SIMC1: variants seen among roughly 807,000 people sequenced by gnomAD.
SIMC1 encodes the protein SUMO-interacting motif-containing protein 1.
In SIMC1, 55 loss-of-function variants were observed where a neutral mutation model predicts 82.3. The observed-to-expected ratio is 0.67, with a 90% CI of 0.54 to 0.84. SIMC1 has a LOEUF of 0.84. Ranked by LOEUF, SIMC1 falls within the 40% of genes least tolerant of loss-of-function variation. The probability of loss-of-function intolerance (pLI) is 0.00; values close to 1 mark genes in which losing one functional copy is unlikely to be tolerated. For missense variants in SIMC1, 915 were observed against 1,107.2 expected (o/e 0.83, Z 2.46); for synonymous variants, 353 against 426.3 (o/e 0.83, Z 2.12).
intron 2 of SIMC1, 169 bp from the exon 3 acceptor site, chr5:176,294,861 A>C: frequency 1.1e-6 from 1 of 903,324 alleles, no homozygotes; most frequent in Non-Finnish European, 1.6e-6. Flanking sequence ...GCTACTCTGG[A>C]GGCTGAGGCA....
intron 6 of SIMC1, 106 bp from the exon 7 acceptor site, chr5:176,324,523 T>C (rs1052522633): frequency 6.1e-6 from 7 of 1,152,060 alleles, no homozygotes; most frequent in Non-Finnish European, 8.4e-6. Flanking sequence ...TAAGATCCTT[T>C]AGTAGTCTCT....
chr5:176,308,259 T>G (rs1764511329), intron 4 of SIMC1: 6 of 1,537,266 alleles, frequency 3.9e-6, no homozygotes, highest in Non-Finnish European at 5.4e-6. Flanking sequence ...GCTGAAAAGG[T>G]TGATGCCATC....
chr5:176,249,270 C>T (rs565212037), intron 1 of SIMC1, among the ~76,000 whole-genome samples: 10 of 152,136 alleles, frequency 6.6e-5, no homozygotes, highest in Non-Finnish European at 1.0e-4. Context: ...ATTACTGCCT[C>T]AATTTCAGAA....
rs1280807461 is a variant in SIMC1 at position 176,305,859 on chromosome 5, G to T, written c.1735-7832G>T. Among the ~76,000 whole-genome samples, 3 of 79,760 alleles carry T rather than the reference G, an allele frequency of 3.8e-5. 1 individual carries two copies. Among genetic ancestry groups the T allele is most frequent in the Middle Eastern group, 0.032 (2 of 62 alleles). The allele number at this position is 79,760 out of a possible 152,430, so 52.3% of individuals were successfully genotyped here. ...GCCCCGTCCGGGAGGGAGGTGGGGG[G>T]GGTCAGCCCCCCTGCCCGGCCAGCC... On this transcript the variant is annotated intron_variant, in intron 4 of 9. Transcript: ENST00000429602.
At chr5:176,277,328 A>T (rs969946797) in intron 1 of SIMC1, among the ~76,000 whole-genome samples, 8 of 151,652 alleles carry the variant, frequency 5.3e-5, no homozygotes, top group Admixed American at 4.6e-4. Flanking sequence ...GTTTGAGTTC[A>T]TTGTAGATTC....
At position 176,241,453 on chromosome 5, in the gene SIMC1, A is replaced by G. The variant is rs1292992738; in HGVS notation, c.129+2816A>G. Reference sequence around the variant, plus strand: ...ATGCCTTCGTTTCTAAATTTTCTCTAAGAACCCAGTGAAAAATTCCCTCAT... The same window carrying G: ...ATGCCTTCGTTTCTAAATTTTCTCTGAGAACCCAGTGAAAAATTCCCTCAT... On this transcript the variant is annotated intron_variant, in intron 1 of 9. Coordinates refer to ENST00000429602, the MANE Select transcript of SIMC1 (RefSeq NM_001308195.2). Among the ~76,000 whole-genome samples, 6 of 136,122 alleles carry G rather than the reference A, an allele frequency of 4.4e-5. No individual in the cohort carries two copies. The East Asian group carries it at 1.3e-3, about 30-fold the overall frequency. 89.3% of individuals were successfully genotyped at this position (136,122 alleles called of 152,430 possible). A position where few individuals can be genotyped will look rare whatever the true frequency, so the allele number is the denominator to read the frequency against.
intron 1 of SIMC1, among the ~76,000 whole-genome samples, chr5:176,281,856 G>A (rs1260293857): frequency 1.3e-5 from 2 of 152,222 alleles, no homozygotes; most frequent in Non-Finnish European, 2.9e-5. Context: ...GTGCCTCCCA[G>A]TTAGGCTGCT....
chr5:176,244,622 G>A (rs1761373507), intron 1 of SIMC1, among the ~76,000 whole-genome samples: 6 of 149,986 alleles, frequency 4.0e-5, no homozygotes, highest in Admixed American at 4.0e-4. Context: ...TCTTGCTTAT[G>A]TTTATTGGAA....
At chr5:176,256,807 A>G (rs1761862623) in intron 1 of SIMC1, among the ~76,000 whole-genome samples, 1 of 152,174 alleles carries the variant, frequency 6.6e-6, no homozygotes, top group East Asian at 1.9e-4. Context: ...CAGTGGCAGA[A>G]TCATAGCTCA....
At chr5:176,275,304 A>G (rs1308165491) in intron 1 of SIMC1, among the ~76,000 whole-genome samples, 1 of 151,778 alleles carries the variant, frequency 6.6e-6, no homozygotes, top group African/African-American at 2.4e-5. Context: ...AATGCTTGTA[A>G]TTTTTGTACA....
chr5:176,267,982 G>T (rs1386142694), intron 1 of SIMC1, among the ~76,000 whole-genome samples: 3 of 151,888 alleles, frequency 2.0e-5, no homozygotes, highest in Non-Finnish European at 2.9e-5. Context: ...GCTCCTGAGC[G>T]CAAGCAATCT....
At chr5:176,305,136 AGGG>A (rs571678400) in intron 4 of SIMC1, among the ~76,000 whole-genome samples, 6 of 32,674 alleles carry the variant, frequency 1.8e-4, no homozygotes, top group Admixed American at 1.2e-3. Context: ...GCCATCCAGG[AGGG>A]GGGGGGGGTC....
chr5:176,280,285 T>C (rs1188468055), intron 1 of SIMC1, among the ~76,000 whole-genome samples: 1 of 152,240 alleles, frequency 6.6e-6, no homozygotes, highest in African/African-American at 2.4e-5. Flanking sequence ...TATCAGAGAC[T>C]AGGATTGCAA....
chr5:176,344,597 G>C (rs1034373612), intron 9 of SIMC1, among the ~76,000 whole-genome samples: 1 of 152,168 alleles, frequency 6.6e-6, no homozygotes, highest in Non-Finnish European at 1.5e-5. Context: ...TTCCAGTGAG[G>C]CCTCAGGAAA....
chr5:176,281,302 C>T (rs570079978), intron 1 of SIMC1, among the ~76,000 whole-genome samples: 3 of 152,298 alleles, frequency 2.0e-5, no homozygotes, highest in Admixed American at 2.0e-4. Flanking sequence ...AAGCACTTCT[C>T]TGTATTGGTT....
intron 1 of SIMC1, among the ~76,000 whole-genome samples, chr5:176,284,532 G>A (rs1763176710): frequency 6.6e-6 from 1 of 152,196 alleles, no homozygotes; most frequent in Non-Finnish European, 1.5e-5. Context: ...GCAGTGTGTA[G>A]AGGGAAATTT....
Position 176,329,570 on chromosome 5 carries a change from A to G in SIMC1, c.2171+4813A>G, listed in dbSNP as rs1581322638. Among the ~76,000 whole-genome samples, 4 of 151,886 alleles carry G rather than the reference A, an allele frequency of 2.6e-5. No homozygotes were observed. The South Asian group carries it at 8.3e-4, about 32-fold the overall frequency. ...TTCCTTGTGCTACCCTTTTATAGCTACAATCATCCATCCTCCCAGCTACTG... is the reference window on the plus strand; with the variant it reads ...TTCCTTGTGCTACCCTTTTATAGCTGCAATCATCCATCCTCCCAGCTACTG... On this transcript the variant is annotated intron_variant, in intron 7 of 9. Transcript: ENST00000429602.
intron 1 of SIMC1, among the ~76,000 whole-genome samples, chr5:176,281,263 C>G (rs1014870457): frequency 2.0e-5 from 3 of 152,176 alleles, no homozygotes; most frequent in African/African-American, 4.8e-5. Context: ...AGTTCTCGAG[C>G]CTTGGCTTTC....
intron 1 of SIMC1, among the ~76,000 whole-genome samples, chr5:176,277,880 C>T (rs1437601846): frequency 3.3e-5 from 5 of 151,076 alleles, no homozygotes; most frequent in African/African-American, 9.8e-5. Flanking sequence ...AGTCAGGTAG[C>T]GTGATGCCTC....
Sources: gnomAD v4.1 joint callset for allele counts (sites outside exome capture counted in the v4.1 genomes callset) on GRCh38, gnomAD v4.1.1 for gene constraint, MANE v1.5 for transcripts, NCBI Gene and HGNC (gene_info 2026-07-23, HGNC 2026-07-21) for gene names.